ATAD5: variants seen among roughly 807,000 people sequenced by gnomAD.
The protein encoded by ATAD5 is ATPase family AAA domain-containing protein 5.
Under a neutral mutation model 176.9 loss-of-function variants are expected in ATAD5, and 58 were observed. The observed-to-expected ratio is 0.33, with a 90% CI of 0.27 to 0.41. The LOEUF (loss-of-function observed/expected upper bound fraction) is 0.41. Among genes scored for constraint, ATAD5 ranks in the 10% least tolerant of loss-of-function variants. The probability of loss-of-function intolerance (pLI) is 1.00; values close to 1 mark genes in which losing one functional copy is unlikely to be tolerated. For missense variants in ATAD5, 1,789 were observed against 2,094.1 expected, an observed-to-expected ratio of 0.85 and a Z score of 2.84; for synonymous variants, 640 against 712.6, an observed-to-expected ratio of 0.90 and a Z score of 1.62.
Position 30,894,909 on chromosome 17 carries a change from C to T in ATAD5, c.5531C>T (p.Pro1844Leu). 1 of 1,589,404 alleles carries T rather than the reference C, an allele frequency of 6.3e-7. No homozygotes were observed. Among genetic ancestry groups the T allele is most frequent in the Non-Finnish European group, 8.6e-7 (1 of 1,169,400 alleles). Residue 1844 changes from proline (P) to leucine (L), a missense_variant, in exon 23 of 23, where the codon CCT becomes CTT. This residue lies in a region of ATAD5 where 403 missense variants were observed against 495.1 expected (regional missense o/e 0.81). Coordinates refer to ENST00000321990, the MANE Select transcript of ATAD5 (RefSeq NM_024857.5). ...GTGAATACTTTGGCAGCTGACTTCC[C>T]TTAATGTTCCATACTAACAATGCTT... The part of the protein sequence containing the change: ...ETVNTLAADF[P>L]
At chr17:30,866,314 C>T (rs909425041) in intron 11 of ATAD5, among the ~76,000 whole-genome samples, 1 of 148,402 alleles carries the variant, frequency 6.7e-6, no homozygotes, top group Non-Finnish European at 1.5e-5. Flanking sequence ...TCTCCTGCCT[C>T]AGCCTCCTGA....
chr17:30,849,724 C>G (rs946655042), intron 6 of ATAD5, among the ~76,000 whole-genome samples: 1 of 152,072 alleles, frequency 6.6e-6, no homozygotes, highest in Non-Finnish European at 1.5e-5. Flanking sequence ...ATTACCTTGC[C>G]TTTTTATTTG....
intron 19 of ATAD5, among the ~76,000 whole-genome samples, chr17:30,891,299 G>A (rs1479555877): frequency 6.6e-6 from 1 of 151,932 alleles, no homozygotes; most frequent in East Asian, 1.9e-4. Context: ...AGTGAAACAT[G>A]TACAGTATCT....
chr17:30,889,166 CTTTT>C (rs34948000), intron 19 of ATAD5, among the ~76,000 whole-genome samples: 2 of 134,406 alleles, frequency 1.5e-5, no homozygotes, highest in Non-Finnish European at 3.2e-5. Context: ...TCTTTTCTTT[CTTTT>C]TTTTTTTTTT....
chr17:30,873,110 C>T (rs1908437233), intron 14 of ATAD5, among the ~76,000 whole-genome samples: 1 of 152,120 alleles, frequency 6.6e-6, no homozygotes, highest in Admixed American at 6.6e-5. Context: ...TATACCTTGA[C>T]TAGAAGCAGA....
chr17:30,868,509 A>ATT (rs745465090), intron 12 of ATAD5, 97 bp downstream of exon 12: 8,059 of 480,572 alleles, frequency 0.017, 163 homozygotes, highest in African/African-American at 0.084. Context: ...TTTTTTTTTA[A>ATT]TTTTTTTTTT....
At position 30,839,259 on chromosome 17, in the gene ATAD5, A is replaced by AT. The variant is rs556137609; in HGVS notation, c.2077-1352dup. ...TAGTTAGATTTTTTTCTCTCCAGAT[A>AT]TTTTTTCTCTGCTTAAATAGATATA... On this transcript the variant is annotated intron_variant, in intron 3 of 22. Transcript: ENST00000321990. Among the ~76,000 whole-genome samples the AT allele has an allele frequency of 2.1e-4, 31 of 150,022 alleles. No individual in the cohort carries two copies. The South Asian group carries it at 3.2e-3, about 15-fold the overall frequency.
rs370501182 is a variant in ATAD5, at chr17:30,893,481, G to C, written c.4628G>C (p.Ser1543Thr). The C allele has an allele frequency of 6.2e-6, 10 of 1,613,188 alleles. No homozygotes were observed. Among genetic ancestry groups the C allele is most frequent in the East Asian group, 4.5e-5 (2 of 44,884 alleles). Residue 1543 changes from serine to threonine, a missense_variant, in exon 21 of 23, where the codon AGT (serine) becomes ACT (threonine). Physicochemically the swap from Ser to Thr is moderately conservative, Grantham distance 58 (BLOSUM62 1). Transcript: ENST00000321990. ...GTGGATGCCAGTGCAGCAACAAAAA[G>C]TATGAATTGTCTTGCTAGGAAACAC... ...VTVDASAATKSMNCLARKHSE... is the reference protein window; with the variant it reads ...VTVDASAATKTMNCLARKHSE...
At chr17:30,846,075 T>C (rs1368708963) in intron 6 of ATAD5, among the ~76,000 whole-genome samples, 2 of 152,232 alleles carry the variant, frequency 1.3e-5, no homozygotes, top group African/African-American at 2.4e-5. Flanking sequence ...GTGCATCTTA[T>C]CAAGAAATAA....
At chr17:30,880,888 G>A (rs1908972206) in intron 18 of ATAD5, among the ~76,000 whole-genome samples, 1 of 151,866 alleles carries the variant, frequency 6.6e-6, no homozygotes, top group African/African-American at 2.4e-5. Flanking sequence ...GTAAAAATCA[G>A]TGTCATCATT....
chr17:30,876,115 C>T (rs1005574828), intron 14 of ATAD5, among the ~76,000 whole-genome samples: 2 of 151,202 alleles, frequency 1.3e-5, no homozygotes, highest in Non-Finnish European at 2.9e-5. Flanking sequence ...CCAGCCTGGG[C>T]GACGGAGCGA....
intron 6 of ATAD5, among the ~76,000 whole-genome samples, 155 bp from the exon 7 acceptor site, chr17:30,854,988 G>T (rs971319594): frequency 6.6e-6 from 1 of 151,662 alleles, no homozygotes; most frequent in African/African-American, 2.4e-5. Flanking sequence ...GGAAATCCTT[G>T]CCTTAAGTGA....
At chr17:30,883,318 G>A (rs1323954025) in intron 18 of ATAD5, among the ~76,000 whole-genome samples, 1 of 151,672 alleles carries the variant, frequency 6.6e-6, no homozygotes, top group Non-Finnish European at 1.5e-5. Flanking sequence ...GTAGAGATGA[G>A]GTCTCACTAT....
chr17:30,846,209 C>A (rs530773109), intron 6 of ATAD5, among the ~76,000 whole-genome samples: 1 of 152,024 alleles, frequency 6.6e-6, no homozygotes, highest in African/African-American at 2.4e-5. Flanking sequence ...ATTTCTATTA[C>A]CATAGATTAA....
rs1908776866 is a variant in ATAD5, at chr17:30,878,056, C to T, written c.3972C>T (p.Phe1324=). 6.2e-7 allele frequency: 1 copy of T among 1,611,512 alleles called. No homozygotes were observed. Residue 1324 remains phenylalanine, a synonymous_variant, in exon 17 of 23, where the codon TTC becomes TTT. Coordinates refer to ENST00000321990, the MANE Select transcript of ATAD5 (RefSeq NM_024857.5). ...GGTTTTTGAATGCAATCAAAACATT[C>T]ATGGCAACAACTAAACGACCTGTAA... The part of the protein sequence containing the change: ...DAGFLNAIKT[F]MATTKRPVIL...
intron 4 of ATAD5, among the ~76,000 whole-genome samples, chr17:30,842,962 T>C (rs1293726198): frequency 1.3e-5 from 2 of 152,030 alleles, no homozygotes; most frequent in Admixed American, 1.3e-4. Context: ...AGGCTGGTCT[T>C]GAACTCCTGA....
chr17:30,845,379 C>G (rs1906437273), intron 6 of ATAD5, among the ~76,000 whole-genome samples: 1 of 152,060 alleles, frequency 6.6e-6, no homozygotes, highest in South Asian at 2.1e-4. Context: ...GAGGGTTGGT[C>G]TGATTAAAGA....
At chr17:30,882,086 G>A (rs901692858) in intron 18 of ATAD5, among the ~76,000 whole-genome samples, 33 of 151,862 alleles carry the variant, frequency 2.2e-4, no homozygotes, top group African/African-American at 6.5e-4. Context: ...GAGAAACCCC[G>A]TGTCTACTAA....
At chr17:30,876,349 T>G in intron 14 of ATAD5, 25 bp from the exon 15 acceptor site, 2 of 1,560,022 alleles carry the variant, frequency 1.3e-6, no homozygotes, top group Non-Finnish European at 1.7e-6. Context: ...ATATTTATCT[T>G]TAAGTGCAAT....
Sources: allele counts gnomAD v4.1 joint callset (sites outside exome capture counted in the v4.1 genomes callset), GRCh38; gene constraint gnomAD v4.1.1; regional missense constraint gnomAD v4.1.1; transcripts MANE v1.5; gene names NCBI Gene and HGNC (gene_info 2026-07-23, HGNC 2026-07-21).